EPB41L3: variants seen among roughly 807,000 people sequenced by gnomAD.
EPB41L3 encodes band 4.1-like protein 3.
A neutral mutation model predicts 127.1 loss-of-function variants in EPB41L3; 57 were observed. The ratio of observed to expected loss-of-function variants is 0.45; its 90% confidence interval spans 0.36 to 0.56. The LOEUF is 0.56. EPB41L3 is among the 20% of genes least tolerant of loss of function. EPB41L3 has a pLI of 0.00. For missense variants in EPB41L3, 1,273 were observed against 1,372.2 expected (o/e 0.93, Z 1.14); for synonymous variants, 572 against 549.5 (o/e 1.04, Z -0.57).
intron 5 of EPB41L3, among the ~76,000 whole-genome samples, chr18:5,440,118 C>T (rs117044416): frequency 0.021 from 3,184 of 152,220 alleles, 111 homozygotes; most frequent in East Asian, 0.16. Context: ...CCAGGCTCCA[C>T]CCCAGAGATT....
At chr18:5,470,361 A>C (rs1407154112) in intron 3 of EPB41L3, among the ~76,000 whole-genome samples, 1 of 152,252 alleles carries the variant, frequency 6.6e-6, no homozygotes, top group Non-Finnish European at 1.5e-5. Flanking sequence ...AAAACTTTAC[A>C]TTAAAGTCCC....
intron 3 of EPB41L3, among the ~76,000 whole-genome samples, chr18:5,457,124 G>A (rs564792745): frequency 1.4e-5 from 1 of 73,134 alleles, no homozygotes; most frequent in South Asian, 4.4e-4. Context: ...AAACCATAAG[G>A]CAAACCGCAC....
Position 5,620,866 on chromosome 18 carries a change from C to T in EPB41L3, c.-467-6443G>A, listed in dbSNP as rs4274513. Among the ~76,000 whole-genome samples, 503 of 152,226 alleles carry T rather than the reference C, an allele frequency of 3.3e-3. 3 individuals carry two copies. Among genetic ancestry groups the T allele is most frequent in the Non-Finnish European group, 5.3e-3 (359 of 68,004 alleles). On this transcript the variant is annotated intron_variant, in intron 1 of 21. Transcript: ENST00000545076. ...CTTAGGCCATCAAACTTTCCCCACC[C>T]ATAGTCAGAGTAACCTTTCCCTATC... is the stretch of plus-strand genomic sequence containing the variant.
At chr18:5,481,586 G>A (rs1327527345) in intron 2 of EPB41L3, among the ~76,000 whole-genome samples, 1 of 152,226 alleles carries the variant, frequency 6.6e-6, no homozygotes, top group Non-Finnish European at 1.5e-5. Context: ...TCTGAAGGGA[G>A]AAATATCCCC....
At chr18:5,504,115 G>T (rs1156489313) in intron 1 of EPB41L3, among the ~76,000 whole-genome samples, 1 of 152,132 alleles carries the variant, frequency 6.6e-6, no homozygotes, top group African/African-American at 2.4e-5. Context: ...AGGAAAGGGG[G>T]AACAATAGAA....
chr18:5,469,473 G>T lies in EPB41L3; in HGVS notation c.381+8768C>A, dbSNP rs143500626. On this transcript the variant is annotated intron_variant, in intron 3 of 22. Coordinates refer to ENST00000341928, the MANE Select transcript of EPB41L3 (RefSeq NM_012307.5). ...TGCCTGGCTGTGTGTATGCCTGGCT[G>T]TGTGTAGTGGCTGGACCCCGCACTT... Among the ~76,000 whole-genome samples the T allele has an allele frequency of 2.2e-4, 31 of 138,038 alleles. No homozygotes were observed. In the East Asian group the frequency reaches 7.0e-3, roughly 31 times the overall value. 90.6% of individuals were successfully genotyped at this position (138,038 alleles called of 152,430 possible). A position where few individuals can be genotyped will look rare whatever the true frequency, so the allele number is the denominator to read the frequency against.
At chr18:5,400,588 A>G in intron 16 of EPB41L3, 1 of 459,972 alleles carries the variant, frequency 2.2e-6, no homozygotes, top group Non-Finnish European at 4.4e-6. Context: ...TTTCTTTATC[A>G]CACTTGGCTA....
chr18:5,588,329 A>G (rs1395205863), intron 3 of EPB41L3, among the ~76,000 whole-genome samples: 1 of 152,146 alleles, frequency 6.6e-6, no homozygotes, highest in Non-Finnish European at 1.5e-5. Context: ...TGCCCTTAAT[A>G]GTGTGGAAAT....
intron 3 of EPB41L3, among the ~76,000 whole-genome samples, chr18:5,575,593 T>C (rs1390950652): frequency 2.0e-5 from 3 of 152,052 alleles, no homozygotes; most frequent in African/African-American, 4.8e-5. Context: ...TCCCAGCACT[T>C]TGGGAGGCCG....
chr18:5,582,695 CCCCTAT>C (rs1290248548), intron 3 of EPB41L3, among the ~76,000 whole-genome samples: 26 of 152,258 alleles, frequency 1.7e-4, no homozygotes, highest in Non-Finnish European at 2.9e-4. Flanking sequence ...GAAACTGAGT[CCCCTAT>C]GGCTAAGTGA....
chr18:5,488,968 C>A, intron 2 of EPB41L3, 33 bp downstream of exon 2: 1 of 1,555,204 alleles, frequency 6.4e-7, no homozygotes, highest in East Asian at 2.4e-5. Flanking sequence ...GCTCAGCAAA[C>A]ACTGCGTCAT....
intron 1 of EPB41L3, among the ~76,000 whole-genome samples, chr18:5,625,082 C>A (rs1282374860): frequency 6.6e-6 from 1 of 151,976 alleles, no homozygotes; most frequent in African/African-American, 2.4e-5. Context: ...GAGATCTGAA[C>A]ACTTAGATAC....
chr18:5,611,336 C>T (rs1332389440), intron 3 of EPB41L3, among the ~76,000 whole-genome samples: 1 of 152,232 alleles, frequency 6.6e-6, no homozygotes, highest in Non-Finnish European at 1.5e-5. Context: ...CATACTGACA[C>T]ATGCCACAGA....
intron 3 of EPB41L3, among the ~76,000 whole-genome samples, chr18:5,469,530 C>A (rs1165953189): frequency 6.6e-6 from 1 of 152,202 alleles, no homozygotes; most frequent in East Asian, 1.9e-4. Flanking sequence ...CACTCCACAC[C>A]TGGCTTGCCC....
At position 5,443,830 on chromosome 18, in the gene EPB41L3, G is replaced by T. The variant is rs764235964; in HGVS notation, c.529+8C>A. On this transcript the variant is annotated splice_region_variant and intron_variant, in intron 5 of 22. Coordinates refer to ENST00000341928, the MANE Select transcript of EPB41L3 (RefSeq NM_012307.5). Reference sequence around the variant, plus strand: ...CATTTCCACAAAAAATAATCCAAAAGAACTTACTTCGAACCTGTTTTTTTA... The same window carrying T: ...CATTTCCACAAAAAATAATCCAAAATAACTTACTTCGAACCTGTTTTTTTA... 2 of 1,607,778 alleles carry T rather than the reference G, an allele frequency of 1.2e-6. No homozygotes were observed. The highest frequency in any genetic ancestry group is 2.2e-5 in the East Asian group (1 of 44,688).
At chr18:5,430,256 G>A (rs1265720773) in intron 8 of EPB41L3, among the ~76,000 whole-genome samples, 1 of 152,102 alleles carries the variant, frequency 6.6e-6, no homozygotes, top group Non-Finnish European at 1.5e-5. Flanking sequence ...TACACCCTTA[G>A]CAAATGGCAC....
At chr18:5,566,156 G>A (rs1047388050) in intron 3 of EPB41L3, among the ~76,000 whole-genome samples, 4 of 152,154 alleles carry the variant, frequency 2.6e-5, no homozygotes, top group Non-Finnish European at 5.9e-5. Context: ...ATTCAATTAG[G>A]AAAAGAGGAA....
chr18:5,468,301 G>C (rs989851571), intron 3 of EPB41L3, among the ~76,000 whole-genome samples: 1 of 152,150 alleles, frequency 6.6e-6, no homozygotes, highest in African/African-American at 2.4e-5. Flanking sequence ...GAAAGGGGTG[G>C]GTCCCTGGTG....
At chr18:5,417,013 C>T (rs1056291534) in intron 12 of EPB41L3, among the ~76,000 whole-genome samples, 38 of 152,158 alleles carry the variant, frequency 2.5e-4, no homozygotes, top group African/African-American at 8.9e-4. Context: ...GAATATCTCA[C>T]TCCTCAGAAA....
Sources: allele counts gnomAD v4.1 joint callset (sites outside exome capture counted in the v4.1 genomes callset), GRCh38; gene constraint gnomAD v4.1.1; transcripts MANE v1.5; gene names NCBI Gene and HGNC (gene_info 2026-07-23, HGNC 2026-07-21).